The following EIF4G1 variants were observed in gnomAD, a reference collection of about 807,000 sequenced individuals.
The protein encoded by EIF4G1 is EIF4-gamma.
Under a neutral mutation model 187.8 loss-of-function variants are expected in EIF4G1, and 4 were observed. That is an observed-to-expected ratio of 0.02 (90% CI 0.01 to 0.05). The LOEUF is 0.05. Ranked by LOEUF, EIF4G1 falls within the 10% of genes least tolerant of loss-of-function variation. EIF4G1 has a pLI of 1.00. For synonymous variants in EIF4G1, 844 were observed against 781.4 expected, an observed-to-expected ratio of 1.08 and a Z score of -1.34; for missense variants, 1,647 against 2,081.1, an observed-to-expected ratio of 0.79 and a Z score of 4.06.
intron 28 of EIF4G1, 33 bp from the exon 29 acceptor site, chr3:184,331,233 T>A: frequency 6.2e-7 from 1 of 1,611,594 alleles, no homozygotes; most frequent in Non-Finnish European, 8.5e-7. Context: ...GAGAGAGAGC[T>A]TTGGTAAGCT....
intron 16 of EIF4G1, 92 bp downstream of exon 16, chr3:184,324,069 C>G: frequency 3.1e-6 from 5 of 1,604,758 alleles, no homozygotes; most frequent in Non-Finnish European, 4.3e-6. Flanking sequence ...TCCCCTCCAA[C>G]TTGTGCCTCT....
At position 184,325,631 on chromosome 3, in the gene EIF4G1, C is replaced by T. The variant is rs1192158383; in HGVS notation, c.3113C>T (p.Pro1038Leu). 1.9e-6 allele frequency: 3 copies of T among 1,614,172 alleles called. No individual in the cohort carries two copies. Among genetic ancestry groups the T allele is most frequent in the Non-Finnish European group, 2.5e-6 (3 of 1,180,044 alleles). ...SDKRRGGPPGPPISRGLPLVD... is the reference protein window; with the variant it reads ...SDKRRGGPPGLPISRGLPLVD... The stretch of plus-strand genomic sequence containing the variant: ...AAGCGTCGGGGCGGTCCTCCAGGCC[C>T]TCCCATCAGTGAGTTCCAAGCTGGG... The change falls in exon 20 of 33, where the codon CCT becomes CTT. Residue 1038 changes from proline (P) to leucine (L), a missense_variant. Physicochemically the swap from Pro to Leu is moderately conservative, Grantham distance 98 (BLOSUM62 -3). Coordinates refer to ENST00000346169, the MANE Select transcript of EIF4G1 (RefSeq NM_198241.3). The surrounding 1 kb of genome is among the most constrained non-coding windows in gnomAD (Gnocchi z 5.2).
At chr3:184,326,233 C>T (rs576913660) in intron 21 of EIF4G1, among the ~76,000 whole-genome samples, 4 of 151,544 alleles carry the variant, frequency 2.6e-5, no homozygotes, top group South Asian at 2.1e-4. Context: ...TTTAAAGTTG[C>T]GAAAAATCAA....
chr3:184,316,214 G>A lies in EIF4G1; in HGVS notation c.143G>A (p.Arg48His), dbSNP rs1439002032. The A allele has an allele frequency of 6.2e-7, 1 of 1,614,030 alleles. No homozygotes were observed. Among genetic ancestry groups the A allele is most frequent in the Non-Finnish European group, 8.5e-7 (1 of 1,179,990 alleles). The change falls in exon 4 of 33, where the codon CGC (arginine) becomes CAC (histidine). Residue 48 changes from arginine to histidine, a missense_variant. Coordinates refer to ENST00000346169, the MANE Select transcript of EIF4G1 (RefSeq NM_198241.3). ...ATQMNTPSQP[R>H]QHFYPSRAQP... Reference sequence around the variant, plus strand: ...CAAATGAACACGCCTTCTCAGCCCCGCCAGGTGAGGGGCTGTGGGGAGGGG... The same window carrying A: ...CAAATGAACACGCCTTCTCAGCCCCACCAGGTGAGGGGCTGTGGGGAGGGG...
chr3:184,315,570 G>T (rs1482945162), intron 2 of EIF4G1, 25 bp downstream of exon 2: 1 of 764,014 alleles, frequency 1.3e-6, no homozygotes, highest in Non-Finnish European at 2.4e-6. Context: ...TGTTTCAGTA[G>T]GTCAGGGGTT....
chr3:184,317,674 A>G (rs1184534347), intron 5 of EIF4G1, 43 bp from the exon 6 acceptor site: 2 of 1,570,290 alleles, frequency 1.3e-6, no homozygotes, highest in Non-Finnish European at 1.8e-6. Context: ...TGGAACTCAT[A>G]GCTCCCTCAA....
chr3:184,327,723 G>A lies in EIF4G1; in HGVS notation c.3780+19G>A, dbSNP rs748497226. 8 of 1,613,608 alleles carry A rather than the reference G, an allele frequency of 5.0e-6. No homozygotes were observed. Among genetic ancestry groups the A allele is most frequent in the African/African-American group, 1.3e-5 (1 of 74,902 alleles). On this transcript the variant is annotated intron_variant, in intron 25 of 32. Coordinates refer to ENST00000346169, the MANE Select transcript of EIF4G1 (RefSeq NM_198241.3). ...CATGAAAGTAGGCAGTGGGAGCGGC[G>A]TGTGATTGAGGAGTGGGCAGGGAGG... is the stretch of plus-strand genomic sequence containing the variant.
intron 32 of EIF4G1, among the ~76,000 whole-genome samples, chr3:184,333,709 CAG>C (rs1726568767): frequency 6.6e-6 from 1 of 152,118 alleles, no homozygotes; most frequent in Non-Finnish European, 1.5e-5. Flanking sequence ...TTAAGTGAGA[CAG>C]AAAGAAGGGA....
rs554977255 is a variant in EIF4G1, at chr3:184,316,002, G to A, written c.61-130G>A. 3.0e-5 allele frequency: 46 copies of A among 1,531,582 alleles called. No homozygotes were observed. In the East Asian group the frequency reaches 9.6e-4, roughly 32 times the overall value. The allele number at this position is 1,531,582 out of a possible 1,614,324, so 94.9% of individuals were successfully genotyped here. A position where few individuals can be genotyped will look rare whatever the true frequency, so the allele number is the denominator to read the frequency against. ...CAGGGCCCCTGGGCTGTCCCCGGGG[G>A]CTGTCACGGGGAGGGGGTATGTGGA... On this transcript the variant is annotated intron_variant, in intron 3 of 32. Coordinates refer to ENST00000346169, the MANE Select transcript of EIF4G1 (RefSeq NM_198241.3).
At chr3:184,315,139 C>T (rs1468883895) in intron 1 of EIF4G1, 1 of 341,240 alleles carries the variant, frequency 2.9e-6, no homozygotes, top group Non-Finnish European at 5.8e-6. Context: ...GAGCCCCCGG[C>T]CCCGCCCGCC....
intron 21 of EIF4G1, among the ~76,000 whole-genome samples, chr3:184,326,236 A>G (rs1352324109): frequency 6.6e-6 from 1 of 152,196 alleles, no homozygotes; most frequent in Non-Finnish European, 1.5e-5. Context: ...AAAGTTGCGA[A>G]AAATCAAAAA....
At chr3:184,319,488 G>T in intron 6 of EIF4G1, 7 of 504,850 alleles carry the variant, frequency 1.4e-5, no homozygotes, top group East Asian at 1.1e-4. Flanking sequence ...TGTGTGTTAG[G>T]AATTCTTGTA....
At chr3:184,316,013 G>GA (rs2108457796) in intron 3 of EIF4G1, 119 bp from the exon 4 acceptor site, 3 of 1,540,082 alleles carry the variant, frequency 1.9e-6, no homozygotes, top group Non-Finnish European at 8.8e-7. Context: ...CTGTCACGGG[G>GA]AGGGGGTATG....
chr3:184,325,846 G>A lies in EIF4G1; in HGVS notation c.3122-5G>A. 2 of 1,614,080 alleles carry A rather than the reference G, an allele frequency of 1.2e-6. No homozygotes were observed. Among genetic ancestry groups the A allele is most frequent in the Non-Finnish European group, 1.7e-6 (2 of 1,180,010 alleles). On this transcript the variant is annotated splice_region_variant and splice_polypyrimidine_tract_variant and intron_variant, in intron 20 of 32. Transcript: ENST00000346169. This position sits in a 1 kb window ranked among gnomAD's most constrained non-coding sequence, Gnocchi z 5.2. ...TATTCCAGTATGCCCCTCTTTTTGT[G>A]TCAGGCCGTGGACTTCCCCTTGTGG...
chr3:184,335,094 C>T lies in EIF4G1; in HGVS notation c.*186C>T, dbSNP rs74286219. 4.0e-4 allele frequency: 279 copies of T among 696,568 alleles called. 3 individuals carry two copies. In the East Asian group the frequency reaches 6.5e-3, roughly 16 times the overall value. 43.1% of individuals were successfully genotyped at this position (696,568 alleles called of 1,614,324 possible). A position where few individuals can be genotyped will look rare whatever the true frequency, so the allele number is the denominator to read the frequency against. ...CTGCCTGGGCCCCCCTCCAGGATGC[C>T]GCCAGGTGTCCCTCTCCTCCCCCTG... On this transcript the variant is annotated 3_prime_UTR_variant, in exon 33 of 33. Transcript: ENST00000346169.
intron 23 of EIF4G1, 59 bp downstream of exon 23, chr3:184,327,042 T>A (rs552983354): frequency 1.2e-6 from 2 of 1,609,764 alleles, no homozygotes; most frequent in East Asian, 4.5e-5. Flanking sequence ...TGGGTTCTGG[T>A]TGTTGCCATA....
At position 184,323,801 on chromosome 3, in the gene EIF4G1, T is replaced by G; in HGVS notation, c.2296T>G (p.Ser766Ala). The change falls in exon 16 of 33, where the codon TCC (serine) becomes GCC (alanine). Residue 766 changes from serine to alanine, a missense_variant. Ser to Ala is a moderately conservative substitution (Grantham distance 99, BLOSUM62 1). This residue lies in a region of EIF4G1 where 140 missense variants were observed against 222.2 expected (regional missense o/e 0.63). Transcript: ENST00000346169. The surrounding 1 kb of genome is among the most constrained non-coding windows in gnomAD (Gnocchi z 6.9). ...KTQDLFRRVRSILNKLTPQMF... is the reference protein window; with the variant it reads ...KTQDLFRRVRAILNKLTPQMF... ...CCAGGACCTATTCCGCAGGGTGCGC[T>G]CCATCCTGAATAAACTGACACCCCA... 2 of 1,614,030 alleles carry G rather than the reference T, an allele frequency of 1.2e-6. No individual in the cohort carries two copies. Among genetic ancestry groups the G allele is most frequent in the Non-Finnish European group, 1.7e-6 (2 of 1,180,038 alleles).
In EIF4G1 at chr3:184,325,115, G is replaced by A; in HGVS notation, c.2856+1G>A. 6.2e-7 allele frequency: 1 copy of A among 1,614,080 alleles called. No homozygotes were observed. Among genetic ancestry groups the A allele is most frequent in the Non-Finnish European group, 8.5e-7 (1 of 1,179,992 alleles). ...AGACCTGGACTTTGAAAAAGCCAAG[G>A]TAGAGGTCCTTGCATCTGGAGGGGG... is the stretch of plus-strand genomic sequence containing the variant. On this transcript the variant is annotated splice_donor_variant, in intron 18 of 32. Transcript: ENST00000346169. LOFTEE classifies it high-confidence loss of function. This position sits in a 1 kb window ranked among gnomAD's most constrained non-coding sequence, Gnocchi z 5.2.
chr3:184,320,910 C>T lies in EIF4G1; in HGVS notation c.631-17C>T. The T allele has an allele frequency of 6.2e-7, 1 of 1,614,168 alleles. No homozygotes were observed. The highest frequency in any genetic ancestry group is 1.1e-5 in the South Asian group (1 of 91,066). On this transcript the variant is annotated splice_polypyrimidine_tract_variant and intron_variant, in intron 8 of 32. Transcript: ENST00000346169. The stretch of plus-strand genomic sequence containing the variant: ...GGACTCTTCAGTGCAAACTTGGTAA[C>T]CCTTTGTGTCCTGCAGACGGGAGGC...
Sources: gnomAD v4.1 joint callset for allele counts (sites outside exome capture counted in the v4.1 genomes callset) on GRCh38, gnomAD v4.1.1 for gene constraint, gnomAD v4.1.1 regional missense constraint, Gnocchi (gnomAD v3.1) non-coding constraint, MANE v1.5 for transcripts, NCBI Gene and HGNC (gene_info 2026-07-23, HGNC 2026-07-21) for gene names.